ADAMTS17: variants seen among roughly 807,000 people sequenced by gnomAD.
ADAMTS17 encodes A disintegrin and metalloproteinase with thrombospondin motifs 17.
In ADAMTS17, 113 loss-of-function variants were observed where a neutral mutation model predicts 141.5. The ratio of observed to expected loss-of-function variants is 0.80; its 90% CI spans 0.69 to 0.93. The LOEUF is 0.93. Among genes scored for constraint, ADAMTS17 ranks in the 40% least tolerant of loss-of-function variants. ADAMTS17 has a pLI of 0.00. For missense variants in ADAMTS17, 1,659 were observed against 1,517.9 expected (o/e 1.09, Z -1.54); for synonymous variants, 768 against 630.6 (o/e 1.22, Z -3.27).
At chr15:100,005,901 G>A (rs1008197262) in intron 18 of ADAMTS17, among the ~76,000 whole-genome samples, 1 of 152,116 alleles carries the variant, frequency 6.6e-6, no homozygotes, top group Non-Finnish European at 1.5e-5. Flanking sequence ...CCTAGGTTCT[G>A]GTGGCGGCTG....
chr15:100,070,443 T>C (rs1026181759), intron 15 of ADAMTS17, among the ~76,000 whole-genome samples: 8 of 150,324 alleles, frequency 5.3e-5, no homozygotes, highest in African/African-American at 2.0e-4. Flanking sequence ...ATATACATTC[T>C]TCTCAGCACC....
At chr15:100,151,442 A>T (rs2039159565) in intron 10 of ADAMTS17, among the ~76,000 whole-genome samples, 1 of 152,200 alleles carries the variant, frequency 6.6e-6, no homozygotes, top group Admixed American at 6.5e-5. Context: ...AGTCTGGGCT[A>T]ATGGGCATTG....
intron 4 of ADAMTS17, among the ~76,000 whole-genome samples, chr15:100,266,097 C>A (rs571869749): frequency 6.6e-6 from 1 of 152,320 alleles, no homozygotes; most frequent in South Asian, 2.1e-4. Flanking sequence ...TGGAACAGCT[C>A]AGGTTTTTCA....
chr15:100,047,203 G>A (rs1235412791), intron 18 of ADAMTS17, among the ~76,000 whole-genome samples: 5 of 146,844 alleles, frequency 3.4e-5, no homozygotes, highest in Admixed American at 2.1e-4. Context: ...GGTCAGACTG[G>A]TTGCTCTCAA....
intron 7 of ADAMTS17, among the ~76,000 whole-genome samples, chr15:100,212,195 C>T (rs1388971642): frequency 6.6e-6 from 1 of 152,204 alleles, no homozygotes; most frequent in Non-Finnish European, 1.5e-5. Context: ...ATCCCCCAGG[C>T]TCATGCTGCA....
At chr15:100,226,291 C>T (rs1046860627) in intron 7 of ADAMTS17, among the ~76,000 whole-genome samples, 1 of 152,224 alleles carries the variant, frequency 6.6e-6, no homozygotes, top group Admixed American at 6.5e-5. Context: ...CCTTGGAGTT[C>T]CCAGGGAGGC....
intron 18 of ADAMTS17, among the ~76,000 whole-genome samples, chr15:100,006,604 T>C (rs1283012632): frequency 6.6e-6 from 1 of 152,212 alleles, no homozygotes; most frequent in African/African-American, 2.4e-5. Context: ...CAGCATGAGA[T>C]GTTGTATTCC....
Position 99,972,115 on chromosome 15 carries a change from GT to G in ADAMTS17, c.*2286del, listed in dbSNP as rs2060220959. The stretch of plus-strand genomic sequence containing the variant: ...AAATACAAAAAAGTAGGTGGGCGTG[GT>G]GGTGGGCGCCTGTAGTCCCAGCTAC... On this transcript the variant is annotated 3_prime_UTR_variant, in exon 22 of 22. Transcript: ENST00000268070. The G allele has an allele frequency of 6.6e-6, 1 of 152,392 alleles. No homozygotes were observed. Among genetic ancestry groups the G allele is most frequent in the African/African-American group, 2.4e-5 (1 of 41,432 alleles). 9.4% of individuals were successfully genotyped at this position (152,392 alleles called of 1,614,324 possible).
chr15:100,120,558 C>T (rs1032373870), intron 12 of ADAMTS17, among the ~76,000 whole-genome samples: 13 of 152,296 alleles, frequency 8.5e-5, no homozygotes, highest in African/African-American at 3.1e-4. Flanking sequence ...AGGAGCCAGA[C>T]ATTTAGGCAC....
At chr15:100,163,298 CGT>C (rs1185798939) in intron 8 of ADAMTS17, among the ~76,000 whole-genome samples, 6 of 152,038 alleles carry the variant, frequency 3.9e-5, no homozygotes, top group Non-Finnish European at 7.4e-5. Context: ...AGTCAGCAAG[CGT>C]GTGTTTGCTT....
chr15:100,212,353 G>A (rs2141724369), intron 7 of ADAMTS17, among the ~76,000 whole-genome samples: 1 of 152,294 alleles, frequency 6.6e-6, no homozygotes, highest in South Asian at 2.1e-4. Flanking sequence ...ACGCATTCCA[G>A]GGAAGACAGG....
rs754138694 is a variant in ADAMTS17, at chr15:100,199,467, G to A, written c.1076-44C>T. The A allele has an allele frequency of 2.0e-5, 31 of 1,563,298 alleles. No homozygotes were observed. The South Asian group carries it at 3.1e-4, about 16-fold the overall frequency. ...ACACATCCTCTTCAGAACGTGGGAG[G>A]CCCTGGTCTCACCGGGCAAGTCCGC... On this transcript the variant is annotated intron_variant, in intron 7 of 21. Coordinates refer to ENST00000268070, the MANE Select transcript of ADAMTS17 (RefSeq NM_139057.4).
At chr15:100,196,174 T>G (rs1001999391) in intron 8 of ADAMTS17, among the ~76,000 whole-genome samples, 5 of 152,246 alleles carry the variant, frequency 3.3e-5, no homozygotes, top group Admixed American at 1.3e-4. Context: ...TAGGACCTAT[T>G]TGACTGCAAA....
intron 18 of ADAMTS17, among the ~76,000 whole-genome samples, chr15:100,040,257 G>C (rs1460105584): frequency 6.6e-6 from 1 of 152,178 alleles, no homozygotes; most frequent in East Asian, 1.9e-4. Context: ...AATTCCACAA[G>C]CTAGGAACCC....
At position 100,219,309 on chromosome 15, in the gene ADAMTS17, C is replaced by A. The variant is rs370369279; in HGVS notation, c.1076-19886G>T. On this transcript the variant is annotated intron_variant, in intron 7 of 21. Coordinates refer to ENST00000268070, the MANE Select transcript of ADAMTS17 (RefSeq NM_139057.4). ...TGTAATTCTATAAATATACTAAAAA[C>A]CACTTTAGTACATAGCTTAGGTAAA... 3.7e-4 allele frequency among the ~76,000 whole-genome samples: 57 copies of A among 152,212 alleles called. No individual in the cohort carries two copies. The East Asian group carries it at 7.1e-3, about 19-fold the overall frequency.
At chr15:100,173,694 C>T (rs1406179589) in intron 8 of ADAMTS17, among the ~76,000 whole-genome samples, 1 of 152,252 alleles carries the variant, frequency 6.6e-6, no homozygotes, top group Non-Finnish European at 1.5e-5. Context: ...GTCTCGATTA[C>T]ACTGTAAGCA....
At chr15:100,226,705 G>T (rs183463927) in intron 7 of ADAMTS17, among the ~76,000 whole-genome samples, 3 of 152,182 alleles carry the variant, frequency 2.0e-5, no homozygotes, top group Non-Finnish European at 4.4e-5. Flanking sequence ...GGATGATCTC[G>T]GTTGGCATTT....
At chr15:100,161,981 T>A (rs12441900) in intron 8 of ADAMTS17, among the ~76,000 whole-genome samples, 1 of 152,188 alleles carries the variant, frequency 6.6e-6, no homozygotes, top group African/African-American at 2.4e-5. Context: ...GGGGTCGCCA[T>A]AGATTTAGCT....
intron 7 of ADAMTS17, among the ~76,000 whole-genome samples, chr15:100,238,310 C>T (rs2042721634): frequency 1.3e-5 from 2 of 152,204 alleles, no homozygotes; most frequent in Admixed American, 6.5e-5. Flanking sequence ...TATCGCCAGC[C>T]TCCATCCACA....
Sources: allele counts gnomAD v4.1 joint callset (sites outside exome capture counted in the v4.1 genomes callset), GRCh38; gene constraint gnomAD v4.1.1; transcripts MANE v1.5; gene names NCBI Gene and HGNC (gene_info 2026-07-23, HGNC 2026-07-21).